TNRC6B: variants seen among roughly 807,000 people sequenced by gnomAD.
The protein encoded by TNRC6B is trinucleotide repeat-containing gene 6B protein.
Under a neutral mutation model 203.6 loss-of-function variants are expected in TNRC6B, and 52 were observed. The ratio of observed to expected loss-of-function variants is 0.26; its 90% CI spans 0.20 to 0.32. The LOEUF (loss-of-function observed/expected upper bound fraction) is 0.32. Among genes scored for constraint, TNRC6B ranks in the 10% least tolerant of loss-of-function variants. The pLI is 1.00. For synonymous variants in TNRC6B, 838 were observed against 845.7 expected (o/e 0.99, Z 0.16); for missense variants, 1,923 against 2,286.2 (o/e 0.84, Z 3.24).
At chr22:40,169,268 A>C (rs1157336906) in intron 4 of TNRC6B, among the ~76,000 whole-genome samples, 1 of 150,678 alleles carries the variant, frequency 6.6e-6, no homozygotes, top group East Asian at 2.0e-4. Flanking sequence ...AGTAGCTGGG[A>C]TCACAGGTGC....
At chr22:40,229,126 C>G (rs369420411) in intron 1 of TNRC6B, among the ~76,000 whole-genome samples, 5 of 152,286 alleles carry the variant, frequency 3.3e-5, no homozygotes, top group East Asian at 1.9e-4. Flanking sequence ...AAGGAAAGTT[C>G]AGTGAAGATG....
chr22:40,318,598 G>A (rs2071291732), intron 21 of TNRC6B, among the ~76,000 whole-genome samples: 1 of 152,014 alleles, frequency 6.6e-6, no homozygotes, highest in Non-Finnish European at 1.5e-5. Context: ...TTAGCAAATA[G>A]TTGACTGAAA....
intron 15 of TNRC6B, among the ~76,000 whole-genome samples, chr22:40,303,474 A>G (rs2071052121): frequency 6.6e-6 from 1 of 152,240 alleles, no homozygotes; most frequent in Non-Finnish European, 1.5e-5. Flanking sequence ...TCCATATTAA[A>G]GAGAAATATT....
chr22:40,270,389 G>A (rs1390877264), intron 6 of TNRC6B, 109 bp downstream of exon 6: 7 of 1,103,602 alleles, frequency 6.3e-6, no homozygotes, highest in South Asian at 3.1e-5. Context: ...GTGCAATTTC[G>A]GCTCACTGCA....
intron 1 of TNRC6B, chr22:40,106,617 G>A: frequency 1.4e-6 from 1 of 728,572 alleles, no homozygotes; most frequent in African/African-American, 1.7e-5. Flanking sequence ...AGTTCATTTA[G>A]TGACTTTAGA....
intron 12 of TNRC6B, among the ~76,000 whole-genome samples, chr22:40,286,454 C>T (rs1337248634): frequency 6.6e-6 from 1 of 152,046 alleles, no homozygotes. Context: ...TTACAGTGAA[C>T]CGAGATGATG....
At position 40,266,269 on chromosome 22, in the gene TNRC6B, G is replaced by C. The variant is rs750268759; in HGVS notation, c.2039G>C (p.Trp680Ser). The change falls in exon 5 of 23, where the codon TGG becomes TCG. Residue 680 changes from tryptophan to serine, a missense_variant. Coordinates refer to ENST00000454349, the MANE Select transcript of TNRC6B (RefSeq NM_001162501.2). ...PSQSNQMKSG[W>S]GELSASTEWK... is the part of the protein sequence containing the mutation. Reference sequence around the variant, plus strand: ...CAAAGCAATCAAATGAAGTCTGGATGGGGGGAGCTCTCAGCCTCTACAGAG... The same window carrying C: ...CAAAGCAATCAAATGAAGTCTGGATCGGGGGAGCTCTCAGCCTCTACAGAG... 3 of 1,593,390 alleles carry C rather than the reference G, an allele frequency of 1.9e-6. No individual in the cohort carries two copies. The African/African-American group carries it at 4.0e-5, about 21-fold the overall frequency.
chr22:40,151,053 TG>T (rs1416735120), intron 3 of TNRC6B, among the ~76,000 whole-genome samples: 1 of 152,120 alleles, frequency 6.6e-6, no homozygotes, highest in Non-Finnish European at 1.5e-5. Flanking sequence ...GAATGAAAGA[TG>T]GTGACCAAAG....
intron 1 of TNRC6B, among the ~76,000 whole-genome samples, chr22:40,241,610 C>T (rs1275739334): frequency 6.6e-6 from 1 of 152,212 alleles, no homozygotes; most frequent in Non-Finnish European, 1.5e-5. Flanking sequence ...GTTCTTCTTA[C>T]AGCATCCTGT....
chr22:40,254,352 C>T (rs886270662), intron 3 of TNRC6B, among the ~76,000 whole-genome samples: 4 of 152,204 alleles, frequency 2.6e-5, no homozygotes, highest in Admixed American at 2.0e-4. Context: ...AGATATTGAG[C>T]CTTGTTAAAA....
At chr22:40,220,860 C>T (rs775273922) in intron 1 of TNRC6B, among the ~76,000 whole-genome samples, 5 of 152,056 alleles carry the variant, frequency 3.3e-5, no homozygotes, top group South Asian at 2.1e-4. Context: ...AGACTGGACT[C>T]GTTGGTCTAA....
rs1245633274 is a variant in TNRC6B, at chr22:40,264,848, A to G, written c.618A>G (p.Lys206=). 1.2e-6 allele frequency: 2 copies of G among 1,613,946 alleles called. No homozygotes were observed. The highest frequency in any genetic ancestry group is 1.7e-6 in the Non-Finnish European group (2 of 1,179,882). Residue 206 remains lysine, a synonymous_variant, in exon 5 of 23, where the codon AAA becomes AAG. Coordinates refer to ENST00000454349, the MANE Select transcript of TNRC6B (RefSeq NM_001162501.2). ...DMEEWPCIAS[K]DTESSSENTT... is the part of the protein sequence containing the mutation. ...AAGAGTGGCCTTGTATTGCCAGCAA[A>G]GACACTGAATCTTCTTCCGAAAACA...
At chr22:40,286,322 A>G (rs1056522191) in intron 12 of TNRC6B, among the ~76,000 whole-genome samples, 1 of 152,134 alleles carries the variant, frequency 6.6e-6, no homozygotes, top group African/African-American at 2.4e-5. Context: ...CTGCCAAAAA[A>G]CACAAATTAG....
chr22:40,091,158 T>G (rs1816901093), intron 1 of TNRC6B, among the ~76,000 whole-genome samples: 1 of 152,006 alleles, frequency 6.6e-6, no homozygotes, highest in Non-Finnish European at 1.5e-5. Context: ...ATTTTTTTTT[T>G]TATTTTAGTA....
intron 3 of TNRC6B, among the ~76,000 whole-genome samples, chr22:40,133,767 G>A (rs1239321799): frequency 2.0e-5 from 3 of 151,904 alleles, no homozygotes; most frequent in Non-Finnish European, 2.9e-5. Context: ...TTGGGAGTTC[G>A]AGACCAGCCT....
chr22:40,300,623 C>A, intron 13 of TNRC6B, 37 bp downstream of exon 13: 3 of 1,578,978 alleles, frequency 1.9e-6, no homozygotes, highest in South Asian at 1.2e-5. Flanking sequence ...CTAAAAAGGT[C>A]ATTTGCTTTT....
At chr22:40,319,091 T>C (rs2146575853) in intron 21 of TNRC6B, among the ~76,000 whole-genome samples, 1 of 152,198 alleles carries the variant, frequency 6.6e-6, no homozygotes, top group East Asian at 1.9e-4. Flanking sequence ...ATGTTAATTA[T>C]ACACATACAT....
At chr22:40,209,271 TC>T in intron 1 of TNRC6B, among the ~76,000 whole-genome samples, 1 of 151,986 alleles carries the variant, frequency 6.6e-6, no homozygotes, top group East Asian at 1.9e-4. Flanking sequence ...CTGCCCCCTT[TC>T]TACCAATATC....
At chr22:40,306,194 A>G (rs376938481) in intron 15 of TNRC6B, among the ~76,000 whole-genome samples, 4 of 152,234 alleles carry the variant, frequency 2.6e-5, no homozygotes, top group East Asian at 1.9e-4. Flanking sequence ...TCGGGAGGCT[A>G]AGGCAGGAAA....
Sources: allele counts gnomAD v4.1 joint callset (sites outside exome capture counted in the v4.1 genomes callset), GRCh38; gene constraint gnomAD v4.1.1; transcripts MANE v1.5; gene names NCBI Gene and HGNC (gene_info 2026-07-23, HGNC 2026-07-21).